Variants in STPG2 observed in about 807,000 individuals in gnomAD.
STPG2 encodes sperm-tail PG-rich repeat-containing protein 2.
A neutral mutation model predicts 54.2 loss-of-function variants in STPG2; 56 were observed. The observed-to-expected ratio is 1.03, with a 90% confidence interval of 0.83 to 1.29. STPG2 has a LOEUF of 1.29. STPG2 is among the 50% of genes most tolerant of loss of function. The pLI is 0.00. For missense variants in STPG2, 596 were observed against 544.9 expected (o/e 1.09, Z -0.93); for synonymous variants, 200 against 181.8 (o/e 1.10, Z -0.81).
chr4:98,085,979 C>T (rs1168074430), intron 5 of STPG2, among the ~76,000 whole-genome samples: 1 of 151,970 alleles, frequency 6.6e-6, no homozygotes, highest in Non-Finnish European at 1.5e-5. Context: ...TTAAGGTAGG[C>T]AACGGCTCAG....
chr4:97,539,190 C>T (rs1241499590), intron 4 of STPG2, among the ~76,000 whole-genome samples: 1 of 152,142 alleles, frequency 6.6e-6, no homozygotes, highest in Non-Finnish European at 1.5e-5. Context: ...TCACACATAA[C>T]AATATTAACC....
At chr4:97,818,503 C>A (rs894117840) in intron 9 of STPG2, among the ~76,000 whole-genome samples, 1 of 151,818 alleles carries the variant, frequency 6.6e-6, no homozygotes, top group Non-Finnish European at 1.5e-5. Flanking sequence ...TATTTTCAGA[C>A]TGCACTTGAT....
chr4:97,933,894 T>A (rs1732645716), intron 8 of STPG2, among the ~76,000 whole-genome samples: 1 of 152,238 alleles, frequency 6.6e-6, no homozygotes, highest in Non-Finnish European at 1.5e-5. Flanking sequence ...TTTCTAATTC[T>A]GTGAAGAATG....
At chr4:97,976,833 T>C (rs1734515544) in intron 6 of STPG2, among the ~76,000 whole-genome samples, 1 of 152,188 alleles carries the variant, frequency 6.6e-6, no homozygotes, top group Admixed American at 6.6e-5. Flanking sequence ...GTATAATATT[T>C]TATTTGTAAT....
intron 9 of STPG2, among the ~76,000 whole-genome samples, chr4:97,736,745 G>C (rs967369774): frequency 1.3e-5 from 2 of 152,202 alleles, no homozygotes; most frequent in Non-Finnish European, 2.9e-5. Flanking sequence ...GCTCAAGGAG[G>C]CCTGCCTGCC....
At chr4:97,528,779 C>T (rs1731346856) in intron 4 of STPG2, among the ~76,000 whole-genome samples, 1 of 152,164 alleles carries the variant, frequency 6.6e-6, no homozygotes, top group South Asian at 2.1e-4. Flanking sequence ...TAGCAGTTCA[C>T]TCATGATTTG....
intron 9 of STPG2, among the ~76,000 whole-genome samples, chr4:97,725,615 G>A (rs1224093804): frequency 4.0e-5 from 6 of 151,382 alleles, no homozygotes; most frequent in Non-Finnish European, 5.9e-5. Context: ...AGAATTTAGA[G>A]TAAAAAGGCA....
At chr4:98,054,926 G>A (rs917794835) in intron 5 of STPG2, among the ~76,000 whole-genome samples, 8 of 152,152 alleles carry the variant, frequency 5.3e-5, no homozygotes, top group African/African-American at 1.9e-4. Flanking sequence ...CCTACATTAA[G>A]TGTATAGCAC....
chr4:97,821,023 A>T (rs1049759465), intron 9 of STPG2, among the ~76,000 whole-genome samples: 1 of 151,920 alleles, frequency 6.6e-6, no homozygotes, highest in Non-Finnish European at 1.5e-5. Flanking sequence ...AGGTTCCCAA[A>T]CTCTTAACTC....
At chr4:97,907,611 C>G (rs1160414946) in intron 8 of STPG2, among the ~76,000 whole-genome samples, 1 of 152,112 alleles carries the variant, frequency 6.6e-6, no homozygotes, top group South Asian at 2.1e-4. Context: ...TACCTGACTT[C>G]AAACTATACT....
chr4:97,443,176 C>T (rs1729132849), intron 4 of STPG2, among the ~76,000 whole-genome samples: 1 of 152,114 alleles, frequency 6.6e-6, no homozygotes, highest in Non-Finnish European at 1.5e-5. Context: ...CTGAAGTGAG[C>T]CTTACATTTC....
At chr4:98,066,950 T>A (rs1737853905) in intron 5 of STPG2, among the ~76,000 whole-genome samples, 1 of 152,196 alleles carries the variant, frequency 6.6e-6, no homozygotes, top group Non-Finnish European at 1.5e-5. Context: ...AGAAATCCAA[T>A]TCTCTTTTTA....
chr4:97,557,514 C>A (rs142786264), downstream of STPG2, among the ~76,000 whole-genome samples: 630 of 152,092 alleles, frequency 4.1e-3, 3 homozygotes, highest in South Asian at 0.02. Context: ...TGTTGATATC[C>A]TGGTACTGCA....
At chr4:97,726,700 T>C (rs1724634305) in intron 9 of STPG2, among the ~76,000 whole-genome samples, 2 of 151,872 alleles carry the variant, frequency 1.3e-5, no homozygotes, top group Non-Finnish European at 2.9e-5. Flanking sequence ...TTAAATTTTG[T>C]TTCTGGGACT....
intron 7 of STPG2, among the ~76,000 whole-genome samples, chr4:97,950,296 G>C (rs887469671): frequency 1.3e-5 from 2 of 151,870 alleles, no homozygotes; most frequent in Admixed American, 6.6e-5. Context: ...GTTCATTTCT[G>C]TTCTTTATTC....
At chr4:97,750,661 C>T (rs1725557355) in intron 9 of STPG2, among the ~76,000 whole-genome samples, 1 of 151,610 alleles carries the variant, frequency 6.6e-6, no homozygotes, top group Non-Finnish European at 1.5e-5. Flanking sequence ...TAAATGACTG[C>T]TAGGAACTTA....
chr4:97,891,738 T>G (rs1341101949), intron 8 of STPG2, among the ~76,000 whole-genome samples: 1 of 152,092 alleles, frequency 6.6e-6, no homozygotes, highest in Non-Finnish European at 1.5e-5. Flanking sequence ...TCTAGTCTTG[T>G]TTTTTGAAGA....
At chr4:97,973,668 G>A (rs1255538694) in intron 6 of STPG2, among the ~76,000 whole-genome samples, 1 of 152,174 alleles carries the variant, frequency 6.6e-6, no homozygotes, top group Non-Finnish European at 1.5e-5. Flanking sequence ...CAGGCTCCTG[G>A]TGCTATGTGC....
chr4:97,822,409 C>T (rs1361941807), intron 9 of STPG2, among the ~76,000 whole-genome samples: 1 of 152,210 alleles, frequency 6.6e-6, no homozygotes. Context: ...TTTCTGTCTT[C>T]TTCTAAGCCC....
Sources: gnomAD v4.1 joint callset for allele counts (sites outside exome capture counted in the v4.1 genomes callset) on GRCh38, gnomAD v4.1.1 for gene constraint, MANE v1.5 for transcripts, NCBI Gene and HGNC (gene_info 2026-07-23, HGNC 2026-07-21) for gene names.